CDK14: variants seen among roughly 807,000 people sequenced by gnomAD.
The protein encoded by CDK14 is cyclin-dependent kinase 14.
A neutral mutation model predicts 60.7 loss-of-function variants in CDK14; 34 were observed. The observed-to-expected ratio is 0.56, with a 90% CI of 0.43 to 0.75. The LOEUF (loss-of-function observed/expected upper bound fraction) is 0.75, where lower values mean the gene tolerates loss of function less well. Ranked by LOEUF, CDK14 falls within the 30% of genes least tolerant of loss-of-function variation. CDK14 has a pLI of 0.00. For missense variants in CDK14, 482 were observed against 564.1 expected (o/e 0.85, Z 1.47); for synonymous variants, 197 against 203.7 (o/e 0.97, Z 0.28).
At chr7:91,152,114 C>T (rs1465843447) in intron 14 of CDK14, among the ~76,000 whole-genome samples, 2 of 152,182 alleles carry the variant, frequency 1.3e-5, no homozygotes, top group African/African-American at 2.4e-5. Flanking sequence ...AAAATTATAG[C>T]TCCCCACATA....
At chr7:91,007,193 A>G (rs954283476) in intron 10 of CDK14, among the ~76,000 whole-genome samples, 1 of 152,192 alleles carries the variant, frequency 6.6e-6, no homozygotes, top group East Asian at 1.9e-4. Context: ...TGCCAGTGTT[A>G]CTGACTCTCC....
chr7:91,051,428 A>G (rs1349279720), intron 11 of CDK14, among the ~76,000 whole-genome samples: 2 of 152,162 alleles, frequency 1.3e-5, no homozygotes, highest in East Asian at 1.9e-4. Flanking sequence ...GAACCTGATT[A>G]CCTTCCTGTT....
chr7:90,845,994 CCTGT>C (rs1446697891), intron 5 of CDK14, among the ~76,000 whole-genome samples: 2 of 152,104 alleles, frequency 1.3e-5, no homozygotes, highest in African/African-American at 4.8e-5. Flanking sequence ...ATTTAACTCT[CCTGT>C]CTTTTTTTAT....
At chr7:91,147,472 T>A (rs1449379564) in intron 14 of CDK14, among the ~76,000 whole-genome samples, 2 of 152,272 alleles carry the variant, frequency 1.3e-5, no homozygotes, top group East Asian at 3.9e-4. Context: ...ATGTTAACTC[T>A]ATTTTTCTAA....
intron 5 of CDK14, among the ~76,000 whole-genome samples, chr7:90,807,633 T>A (rs968260867): frequency 6.6e-6 from 1 of 152,084 alleles, no homozygotes; most frequent in Non-Finnish European, 1.5e-5. Context: ...TTTGACAAGT[T>A]GAGAGAAGCA....
chr7:91,051,077 C>T (rs1197500113), intron 11 of CDK14, among the ~76,000 whole-genome samples: 1 of 152,184 alleles, frequency 6.6e-6, no homozygotes, highest in Non-Finnish European at 1.5e-5. Flanking sequence ...GATCTGATCT[C>T]TGGGAAAATA....
intron 4 of CDK14, among the ~76,000 whole-genome samples, chr7:90,790,080 C>A (rs1391701878): frequency 2.4e-4 from 31 of 131,080 alleles, no homozygotes; most frequent in East Asian, 4.9e-4. Context: ...GAAAAAAAAA[C>A]AAAAAAAGGG....
chr7:90,999,751 A>C lies in CDK14; in HGVS notation c.1041+15510A>C, dbSNP rs539760477. Among the ~76,000 whole-genome samples, 3 of 152,340 alleles carry C rather than the reference A, an allele frequency of 2.0e-5. No individual in the cohort carries two copies. The East Asian group carries it at 5.8e-4, about 29-fold the overall frequency. ...AGCTGTGTCAACATTACTTCAAAAA[A>C]GGTAAGAAATGCGATACCGTATTAT... On this transcript the variant is annotated intron_variant, in intron 10 of 14. Coordinates refer to ENST00000380050, the MANE Select transcript of CDK14 (RefSeq NM_001287135.2).
Position 91,207,293 on chromosome 7 carries a change from G to A in CDK14, c.*157G>A, listed in dbSNP as rs1007379341. ...TTTCACTTACAAGAAAATTGAAGCT[G>A]GCAAGACCCTGTTTTCTCTGCAATT... On this transcript the variant is annotated 3_prime_UTR_variant, in exon 15 of 15. Coordinates refer to ENST00000380050, the MANE Select transcript of CDK14 (RefSeq NM_001287135.2). 6.6e-6 allele frequency: 1 copy of A among 152,148 alleles called. No individual in the cohort carries two copies. Among genetic ancestry groups the A allele is most frequent in the Non-Finnish European group, 1.5e-5 (1 of 68,026 alleles). The allele number at this position is 152,148 out of a possible 1,614,324, so 9.4% of individuals were successfully genotyped here. A position where few individuals can be genotyped will look rare whatever the true frequency, so the allele number is the denominator to read the frequency against.
At chr7:91,149,750 T>C (rs535828591) in intron 14 of CDK14, among the ~76,000 whole-genome samples, 1 of 152,332 alleles carries the variant, frequency 6.6e-6, no homozygotes, top group Non-Finnish European at 1.5e-5. Flanking sequence ...ATGCACTAAT[T>C]TCACTGTACA....
chr7:90,886,375 A>G (rs1194548294), intron 6 of CDK14, among the ~76,000 whole-genome samples: 2 of 152,204 alleles, frequency 1.3e-5, no homozygotes, highest in Non-Finnish European at 2.9e-5. Context: ...TATTTTACCC[A>G]AAATTCTCAA....
At chr7:90,918,278 G>T (rs1232778705) in intron 8 of CDK14, among the ~76,000 whole-genome samples, 1 of 152,140 alleles carries the variant, frequency 6.6e-6, no homozygotes, top group African/African-American at 2.4e-5. Flanking sequence ...TCCCAGAATT[G>T]ACTGTTGTTT....
intron 14 of CDK14, among the ~76,000 whole-genome samples, chr7:91,204,636 G>A (rs886597193): frequency 2.3e-4 from 35 of 152,306 alleles, no homozygotes; most frequent in African/African-American, 8.2e-4. Context: ...ATATTCATAT[G>A]GCCAACAGCC....
intron 1 of CDK14, chr7:90,597,401 A>G (rs1317391722): frequency 6.6e-6 from 1 of 152,236 alleles, no homozygotes; most frequent in Non-Finnish European, 1.5e-5. Context: ...ACTGACCAAC[A>G]GTGTTTAGGA....
chr7:91,206,090 G>A (rs370878329), intron 14 of CDK14, among the ~76,000 whole-genome samples: 2 of 152,012 alleles, frequency 1.3e-5, no homozygotes, highest in Admixed American at 1.3e-4. Context: ...CACCGTGCCC[G>A]GCCACTATTT....
Position 90,767,837 on chromosome 7 carries a change from T to A in CDK14, c.464+20062T>A, listed in dbSNP as rs555346162. On this transcript the variant is annotated intron_variant, in intron 4 of 14. Transcript: ENST00000380050. ...ATCAGAATCTGAGCCCTCTTGAGCC[T>A]CCACCTGAGGTATATCCCCAGCTCT... 2.0e-4 allele frequency among the ~76,000 whole-genome samples: 30 copies of A among 152,304 alleles called. No individual in the cohort carries two copies. In the South Asian group the frequency reaches 5.4e-3, roughly 27 times the overall value.
intron 5 of CDK14, among the ~76,000 whole-genome samples, chr7:90,830,314 C>T (rs939309007): frequency 1.3e-5 from 2 of 152,192 alleles, no homozygotes; most frequent in African/African-American, 4.8e-5. Context: ...CTCCAAGGCT[C>T]CAAGGCTTGC....
At chr7:90,933,429 C>G (rs928606588) in intron 8 of CDK14, among the ~76,000 whole-genome samples, 3 of 152,066 alleles carry the variant, frequency 2.0e-5, no homozygotes, top group Admixed American at 2.0e-4. Flanking sequence ...TCATGTGAAA[C>G]ACTAGGGTAA....
chr7:91,042,453 C>T (rs994977362), intron 10 of CDK14, among the ~76,000 whole-genome samples: 3 of 152,134 alleles, frequency 2.0e-5, no homozygotes, highest in Admixed American at 2.0e-4. Context: ...ATCACCACCC[C>T]TGTTCATCTG....
Sources: allele counts gnomAD v4.1 joint callset (sites outside exome capture counted in the v4.1 genomes callset), GRCh38; gene constraint gnomAD v4.1.1; transcripts MANE v1.5; gene names NCBI Gene and HGNC (gene_info 2026-07-23, HGNC 2026-07-21).